The following RB1CC1 variants were observed in gnomAD, a reference collection of about 807,000 sequenced individuals.
RB1CC1 encodes RB1-inducible coiled-coil protein 1.
A neutral mutation model predicts 177.5 loss-of-function variants in RB1CC1; 46 were observed. The ratio of observed to expected loss-of-function variants is 0.26; its 90% confidence interval spans 0.20 to 0.33. RB1CC1 has a LOEUF of 0.33. Among genes scored for constraint, RB1CC1 ranks in the 10% least tolerant of loss-of-function variants. The pLI is 1.00. For missense variants in RB1CC1, 1,703 were observed against 1,816.3 expected (o/e 0.94, Z 1.13); for synonymous variants, 666 against 613.6 (o/e 1.09, Z -1.26).
Position 52,645,966 on chromosome 8 carries a change from A to AATGT in RB1CC1, c.3822-103_3822-100dup, listed in dbSNP as rs1391523575. The AATGT allele has an allele frequency of 4.3e-6, 5 of 1,166,708 alleles. No homozygotes were observed. The African/African-American group carries it at 6.3e-5, about 15-fold the overall frequency. The allele number at this position is 1,166,708 out of a possible 1,614,324, so 72.3% of individuals were successfully genotyped here. On this transcript the variant is annotated intron_variant, in intron 15 of 23. Transcript: ENST00000025008. ...GAAATTTATCTTCCTTAAGCTCAAT[A>AATGT]ATGTAGCATGAAAGATATCTGTGTG...
chr8:52,658,036 T>C lies in RB1CC1; in HGVS notation c.1882A>G (p.Met628Val). The change falls in exon 14 of 24, where the codon ATG (methionine) becomes GTG (valine). Residue 628 changes from methionine (M) to valine (V), a missense_variant. Physicochemically the swap from Met to Val is conservative, Grantham distance 21. Transcript: ENST00000025008. ...AGTAGATCTGTAATGGTCTGTGACA[T>C]TTCATCCAAACTTTGTGCTGCTTTT... ...LVKAAQSLDE[M>V]SQTITDLLSE... 2 of 1,614,106 alleles carry C rather than the reference T, an allele frequency of 1.2e-6. No homozygotes were observed. The highest frequency in any genetic ancestry group is 1.7e-6 in the Non-Finnish European group (2 of 1,180,006).
At chr8:52,660,694 C>A in intron 11 of RB1CC1, 37 bp from the exon 12 acceptor site, 2 of 1,542,076 alleles carry the variant, frequency 1.3e-6, no homozygotes, top group Non-Finnish European at 1.8e-6. Context: ...TATTTTAGAG[C>A]TTTATTTAAG....
At chr8:52,679,004 A>T (rs970451504) in intron 5 of RB1CC1, among the ~76,000 whole-genome samples, 9 of 152,238 alleles carry the variant, frequency 5.9e-5, no homozygotes, top group African/African-American at 2.2e-4. Flanking sequence ...TGATGAAACC[A>T]GGAAACAACT....
chr8:52,642,614 A>G (rs753891257), intron 17 of RB1CC1, 23 bp from the exon 18 acceptor site: 22 of 1,608,906 alleles, frequency 1.4e-5, no homozygotes, highest in Non-Finnish European at 1.6e-5. Context: ...CAAATTTAAA[A>G]AAGTATCATG....
intron 15 of RB1CC1, among the ~76,000 whole-genome samples, chr8:52,651,484 A>G (rs942262017): frequency 3.3e-5 from 5 of 152,248 alleles, no homozygotes; most frequent in African/African-American, 9.6e-5. Flanking sequence ...CCATTTCTTT[A>G]GGCTAATGAT....
At chr8:52,694,341 G>A (rs561914908) in intron 1 of RB1CC1, among the ~76,000 whole-genome samples, 1 of 152,306 alleles carries the variant, frequency 6.6e-6, no homozygotes, top group African/African-American at 2.4e-5. Context: ...ATAACATGGT[G>A]TTGGCCTCTA....
At chr8:52,651,916 T>A (rs970562481) in intron 15 of RB1CC1, among the ~76,000 whole-genome samples, 22 of 152,092 alleles carry the variant, frequency 1.4e-4, no homozygotes, top group Non-Finnish European at 2.1e-4. Context: ...TATGAGAAAA[T>A]CCACTAATAG....
At chr8:52,655,901 T>C (rs1203741851) in intron 15 of RB1CC1, 107 bp downstream of exon 15, 1 of 848,942 alleles carries the variant, frequency 1.2e-6, no homozygotes, top group East Asian at 2.7e-5. Context: ...AATACCCTAG[T>C]TGCTACATTT....
intron 1 of RB1CC1, among the ~76,000 whole-genome samples, chr8:52,708,325 G>A (rs1174771135): frequency 6.6e-6 from 1 of 151,988 alleles, no homozygotes; most frequent in African/African-American, 2.4e-5. Flanking sequence ...GACCATCCTG[G>A]CTAACACAGT....
At position 52,656,628 on chromosome 8, in the gene RB1CC1, C is replaced by G; in HGVS notation, c.3201G>C (p.Lys1067Asn). 1 of 1,613,806 alleles carries G rather than the reference C, an allele frequency of 6.2e-7. No homozygotes were observed. Among genetic ancestry groups the G allele is most frequent in the Non-Finnish European group, 8.5e-7 (1 of 1,179,888 alleles). ...TTTTTATTTCATCAGTTTCTGCTTCCTTCAACGCAAGTTCAACCTCTAACT... is the reference window on the plus strand; with the variant it reads ...TTTTTATTTCATCAGTTTCTGCTTCGTTCAACGCAAGTTCAACCTCTAACT... ...RCKLEVELAL[K>N]EAETDEIKIL... is the part of the protein sequence containing the mutation. Residue 1067 changes from lysine to asparagine, a missense_variant, in exon 15 of 24, where the codon AAG becomes AAC. Physicochemically the swap from Lys to Asn is moderately conservative, Grantham distance 94. Around this residue, in one of 6 missense-constraint regions of RB1CC1, gnomAD observed 1,169 missense variants for 1,184.7 expected, o/e 0.99. Coordinates refer to ENST00000025008, the MANE Select transcript of RB1CC1 (RefSeq NM_014781.5).
intron 5 of RB1CC1, among the ~76,000 whole-genome samples, chr8:52,682,931 G>T (rs1853892952): frequency 6.6e-6 from 1 of 152,050 alleles, no homozygotes; most frequent in African/African-American, 2.4e-5. Context: ...ACTAATTAAA[G>T]CTAATGTTCA....
chr8:52,635,584 T>G (rs16918014), intron 19 of RB1CC1, among the ~76,000 whole-genome samples: 3,608 of 152,254 alleles, frequency 0.024, 164 homozygotes, highest in African/African-American at 0.082. Flanking sequence ...ATTTCAATTC[T>G]TTATTTAAAA....
At chr8:52,693,001 C>G (rs1855042221) in intron 1 of RB1CC1, among the ~76,000 whole-genome samples, 1 of 152,176 alleles carries the variant, frequency 6.6e-6, no homozygotes, top group Admixed American at 6.5e-5. Context: ...TTCCACAAAC[C>G]TGACAGAAAC....
chr8:52,645,894 T>TAA, intron 15 of RB1CC1, 27 bp from the exon 16 acceptor site: 2 of 1,495,754 alleles, frequency 1.3e-6, no homozygotes, highest in Non-Finnish European at 1.8e-6. Flanking sequence ...AGCATTAAAT[T>TAA]AAAAAAAAAA....
intron 15 of RB1CC1, among the ~76,000 whole-genome samples, chr8:52,646,357 G>A (rs1850035566): frequency 6.6e-6 from 1 of 152,116 alleles, no homozygotes; most frequent in Non-Finnish European, 1.5e-5. Flanking sequence ...GGTGCATGCT[G>A]AGGTAGGAGA....
In RB1CC1 at chr8:52,656,304, T is replaced by C; in HGVS notation, c.3525A>G (p.Gln1175=). The C allele has an allele frequency of 6.2e-7, 1 of 1,613,252 alleles. No homozygotes were observed. Among genetic ancestry groups the C allele is most frequent in the East Asian group, 2.2e-5 (1 of 44,826 alleles). Reference sequence around the variant, plus strand: ...CCAATTTACTCTGCAGTTCAATTATTTGTTCTTTTAGGTTTTTTTCTATTT... The same window carrying C: ...CCAATTTACTCTGCAGTTCAATTATCTGTTCTTTTAGGTTTTTTTCTATTT... ...AFEIEKNLKE[Q]IIELQSKLDS... Residue 1175 remains glutamine (Q), a synonymous_variant, in exon 15 of 24, where the codon CAA becomes CAG. Coordinates refer to ENST00000025008, the MANE Select transcript of RB1CC1 (RefSeq NM_014781.5).
chr8:52,665,491 G>T (rs1006163517), intron 8 of RB1CC1, among the ~76,000 whole-genome samples: 11 of 152,142 alleles, frequency 7.2e-5, no homozygotes, highest in Admixed American at 3.3e-4. Context: ...ATGTAAAAAT[G>T]GGTGTATTGA....
At chr8:52,671,547 T>C (rs1852604285) in intron 7 of RB1CC1, among the ~76,000 whole-genome samples, 1 of 152,162 alleles carries the variant, frequency 6.6e-6, no homozygotes, top group South Asian at 2.1e-4. Flanking sequence ...AGTATAGTAC[T>C]CCTGAGAGGA....
rs562836794 is a variant in RB1CC1, at chr8:52,650,060, G to T, written c.3822-4193C>A. Among the ~76,000 whole-genome samples the T allele has an allele frequency of 3.9e-5, 6 of 152,248 alleles. No individual in the cohort carries two copies. The South Asian group carries it at 1.2e-3, about 32-fold the overall frequency. On this transcript the variant is annotated intron_variant, in intron 15 of 23. Coordinates refer to ENST00000025008, the MANE Select transcript of RB1CC1 (RefSeq NM_014781.5). ...TTATTGACTTACTGTGGGAGCTACAGACATAGCTAATATACATATCTTAGA... is the reference window on the plus strand; with the variant it reads ...TTATTGACTTACTGTGGGAGCTACATACATAGCTAATATACATATCTTAGA...
Sources: allele counts gnomAD v4.1 joint callset (sites outside exome capture counted in the v4.1 genomes callset), GRCh38; gene constraint gnomAD v4.1.1; regional missense constraint gnomAD v4.1.1; transcripts MANE v1.5; gene names NCBI Gene and HGNC (gene_info 2026-07-23, HGNC 2026-07-21).